FSTL4: variants seen among roughly 807,000 people sequenced by gnomAD.
FSTL4 encodes the protein follistatin like 4.
Under a neutral mutation model 78.2 loss-of-function variants are expected in FSTL4, and 28 were observed. The observed-to-expected ratio is 0.36, with a 90% CI of 0.27 to 0.49. FSTL4 has a LOEUF of 0.49. Among genes scored for constraint, FSTL4 ranks in the 20% least tolerant of loss-of-function variants. The pLI is 0.98. For missense variants in FSTL4, 922 were observed against 1,084.9 expected, an observed-to-expected ratio of 0.85 and a Z score of 2.11; for synonymous variants, 422 against 440.5, an observed-to-expected ratio of 0.96 and a Z score of 0.53.
chr5:133,626,475 T>A, the FSTL4 span, among the ~76,000 whole-genome samples: 8 of 149,040 alleles, frequency 5.4e-5, no homozygotes, highest in Admixed American at 5.5e-4. Flanking sequence ...AGTACTTGGA[T>A]TACAGGTGCG....
intron 3 of FSTL4, among the ~76,000 whole-genome samples, chr5:133,517,479 C>CACACCACA: frequency 1.8e-5 from 1 of 55,550 alleles, no homozygotes; most frequent in South Asian, 7.4e-4. Context: ...CACACACACA[C>CACACCACA]CACACACACA....
chr5:133,617,172 G>A (rs936671405), upstream of FSTL4, among the ~76,000 whole-genome samples: 13 of 152,076 alleles, frequency 8.5e-5, no homozygotes, highest in African/African-American at 2.4e-4. Context: ...GGTGGCACGC[G>A]CCTATAGTCT....
At chr5:133,303,697 G>A (rs1049807898) in intron 6 of FSTL4, among the ~76,000 whole-genome samples, 6 of 152,216 alleles carry the variant, frequency 3.9e-5, no homozygotes, top group African/African-American at 1.4e-4. Flanking sequence ...CTGTCATGGA[G>A]CCTGAGAACA....
the FSTL4 span, among the ~76,000 whole-genome samples, chr5:133,725,658 T>A: frequency 5.9e-5 from 9 of 151,976 alleles, no homozygotes; most frequent in Non-Finnish European, 1.3e-4. Flanking sequence ...TCATGATGGA[T>A]GAGGAGGTTT....
intron 2 of FSTL4, among the ~76,000 whole-genome samples, chr5:133,592,953 A>G (rs1760662670): frequency 6.6e-6 from 1 of 152,178 alleles, no homozygotes; most frequent in South Asian, 2.1e-4. Flanking sequence ...ATGGGCTAAG[A>G]CAATTGGCCA....
intron 1 of FSTL4, among the ~76,000 whole-genome samples, chr5:133,604,360 G>A (rs1474290973): frequency 3.9e-5 from 6 of 152,260 alleles, no homozygotes; most frequent in African/African-American, 9.6e-5. Context: ...ATATAGCCAC[G>A]CCTTAGTTTC....
At chr5:133,421,863 C>T (rs1756703664) in intron 3 of FSTL4, among the ~76,000 whole-genome samples, 1 of 152,176 alleles carries the variant, frequency 6.6e-6, no homozygotes, top group Non-Finnish European at 1.5e-5. Flanking sequence ...ATACAAAAAT[C>T]CCTGCCTTTA....
intron 14 of FSTL4, among the ~76,000 whole-genome samples, chr5:133,204,334 A>G (rs1323497040): frequency 6.6e-6 from 1 of 152,250 alleles, no homozygotes. Flanking sequence ...GTCTTCCCAA[A>G]GTGTGTTCAA....
At chr5:133,621,166 C>T in the FSTL4 span, among the ~76,000 whole-genome samples, 1 of 152,046 alleles carries the variant, frequency 6.6e-6, no homozygotes, top group Non-Finnish European at 1.5e-5. Context: ...TTTGGGAGGC[C>T]GAGGTGGGCG....
At chr5:133,694,259 C>G in the FSTL4 span, among the ~76,000 whole-genome samples, 243 of 152,350 alleles carry the variant, frequency 1.6e-3, 2 homozygotes, top group Non-Finnish European at 2.5e-3. Flanking sequence ...CTGTGCTGTC[C>G]TCCCAGGCCC....
At chr5:133,704,492 T>C in the FSTL4 span, among the ~76,000 whole-genome samples, 5 of 152,164 alleles carry the variant, frequency 3.3e-5, no homozygotes, top group African/African-American at 1.2e-4. Flanking sequence ...CAGATTGAAC[T>C]AGGAAATGGA....
At chr5:133,841,795 A>C in the FSTL4 span, among the ~76,000 whole-genome samples, 28 of 152,328 alleles carry the variant, frequency 1.8e-4, no homozygotes, top group African/African-American at 6.5e-4. Context: ...CTCACCTGCC[A>C]TCACTTGTCT....
chr5:133,682,481 A>G, the FSTL4 span, among the ~76,000 whole-genome samples: 1 of 152,252 alleles, frequency 6.6e-6, no homozygotes, highest in Non-Finnish European at 1.5e-5. Context: ...CTAAACTCCA[A>G]TGCTGGCAAT....
At chr5:133,675,682 G>A in the FSTL4 span, among the ~76,000 whole-genome samples, 1 of 152,236 alleles carries the variant, frequency 6.6e-6, no homozygotes, top group Non-Finnish European at 1.5e-5. Flanking sequence ...CCCAGGACTT[G>A]AGATTTAACC....
chr5:133,437,965 C>A (rs1337478937), intron 3 of FSTL4, among the ~76,000 whole-genome samples: 1 of 151,650 alleles, frequency 6.6e-6, no homozygotes, highest in Non-Finnish European at 1.5e-5. Flanking sequence ...ACTTTTCTTT[C>A]TTTGGTTGGA....
At chr5:133,682,723 G>A in the FSTL4 span, among the ~76,000 whole-genome samples, 3 of 152,206 alleles carry the variant, frequency 2.0e-5, no homozygotes, top group Non-Finnish European at 4.4e-5. Flanking sequence ...GGAAAGGAGG[G>A]CTGGTGGGTG....
At chr5:133,487,574 G>A (rs1038300260) in intron 3 of FSTL4, among the ~76,000 whole-genome samples, 2 of 152,180 alleles carry the variant, frequency 1.3e-5, no homozygotes, top group Non-Finnish European at 2.9e-5. Flanking sequence ...CCATAGGGTT[G>A]TTGCCAGTGT....
intron 3 of FSTL4, among the ~76,000 whole-genome samples, chr5:133,468,158 C>T (rs1456448276): frequency 6.6e-6 from 1 of 152,016 alleles, no homozygotes; most frequent in Non-Finnish European, 1.5e-5. Flanking sequence ...ATAGTTACTT[C>T]CCACCATGGG....
chr5:133,201,964 G>A lies in FSTL4; in HGVS notation c.1795C>T (p.Pro599Ser). The A allele has an allele frequency of 1.9e-6, 3 of 1,610,258 alleles. No individual in the cohort carries two copies. Among genetic ancestry groups the A allele is most frequent in the Non-Finnish European group, 2.5e-6 (3 of 1,177,436 alleles). Residue 599 changes from proline to serine, a missense_variant, in exon 15 of 16, where the codon CCC (proline) becomes TCC (serine). Coordinates refer to ENST00000265342, the MANE Select transcript of FSTL4 (RefSeq NM_015082.2). ...TGGTTGATGATGAGGTTTGTTGGGG[G>A]AATGAAGAAATCATCCACTCCTGCA... ...PFAGVDDFFI[P>S]PTNLIINHIR...
Sources: allele counts gnomAD v4.1 joint callset (sites outside exome capture counted in the v4.1 genomes callset), GRCh38; gene constraint gnomAD v4.1.1; transcripts MANE v1.5; gene names NCBI Gene and HGNC (gene_info 2026-07-23, HGNC 2026-07-21).